CCZ1: variants seen among roughly 807,000 people sequenced by gnomAD.
CCZ1 encodes CCZ1 vacuolar protein trafficking and biogenesis associated.
In CCZ1, 19 loss-of-function variants were observed where a neutral mutation model predicts 57.8. The ratio of observed to expected loss-of-function variants is 0.33; its 90% CI spans 0.23 to 0.48. CCZ1 has a LOEUF of 0.48. Among genes scored for constraint, CCZ1 ranks in the 20% least tolerant of loss-of-function variants. The pLI is 0.99. For synonymous variants in CCZ1, 81 were observed against 167.0 expected (o/e 0.49, Z 3.97); for missense variants, 200 against 492.0 (o/e 0.41, Z 5.61).
chr7:5,901,615 T>C, intron 4 of CCZ1, 42 bp from the exon 5 acceptor site: 3 of 1,570,802 alleles, frequency 1.9e-6, no homozygotes, highest in Non-Finnish European at 2.6e-6. Flanking sequence ...GACATTGTTT[T>C]TCCCTTGAAC....
intron 10 of CCZ1, among the ~76,000 whole-genome samples, chr7:5,914,554 C>A: frequency 6.8e-6 from 1 of 147,718 alleles, no homozygotes; most frequent in South Asian, 2.2e-4. Flanking sequence ...CTTTGCCATG[C>A]CAAGCTGTCA....
rs1367880180 is a variant in CCZ1, at chr7:5,905,717, G to A, written c.698+448G>A. Reference sequence around the variant, plus strand: ...GAATCACTTGAACCCGGGAGGCGGAGGTTGCAGTGAGCCGAGATGGCACCA... The same window carrying A: ...GAATCACTTGAACCCGGGAGGCGGAAGTTGCAGTGAGCCGAGATGGCACCA... On this transcript the variant is annotated intron_variant, in intron 7 of 14. Transcript: ENST00000325974. Among the ~76,000 whole-genome samples, 42 of 128,644 alleles carry A rather than the reference G, an allele frequency of 3.3e-4. 2 individuals carry two copies. The East Asian group carries it at 0.012, about 36-fold the overall frequency. 84.4% of individuals were successfully genotyped at this position (128,644 alleles called of 152,430 possible). A position where few individuals can be genotyped will look rare whatever the true frequency, so the allele number is the denominator to read the frequency against.
intron 10 of CCZ1, among the ~76,000 whole-genome samples, chr7:5,916,513 T>TTTTTTTGG (rs1308308889): frequency 3.1e-5 from 4 of 128,932 alleles, no homozygotes; most frequent in Non-Finnish European, 5.1e-5. Context: ...TTGTTTTTTT[T>TTTTTTTGG]TTTTTTGGTT....
chr7:5,912,377 C>CTTTTTTTTTTTTTTTTTTT, intron 9 of CCZ1, among the ~76,000 whole-genome samples: 1 of 54,704 alleles, frequency 1.8e-5, no homozygotes, highest in Non-Finnish European at 3.2e-5. Flanking sequence ...TCAGCATACC[C>CTTTTTTTTTTTTTTTTTTT]TTTTTTTTTT....
chr7:5,905,119 C>T lies in CCZ1; in HGVS notation c.548C>T (p.Ser183Leu), dbSNP rs199639622. 10 of 1,596,434 alleles carry T rather than the reference C, an allele frequency of 6.3e-6. No individual in the cohort carries two copies. Among genetic ancestry groups the T allele is most frequent in the South Asian group, 1.1e-5 (1 of 87,464 alleles). ...HRYLQTLHLQ[S>L]CDLLDIFGGI... ...TATTTGCAAACGCTACATTTGCAGT[C>T]ATGTGACCTACTTGACATTTTTGGT... Residue 183 changes from serine (S) to leucine (L), a missense_variant, in exon 7 of 15, where the codon TCA becomes TTA. Physicochemically the swap from Ser to Leu is moderately radical, Grantham distance 145 (BLOSUM62 -2). Around this residue, in one of 5 missense-constraint regions of CCZ1, gnomAD observed 128 missense variants for 178.4 expected, o/e 0.72. Coordinates refer to ENST00000325974, the MANE Select transcript of CCZ1 (RefSeq NM_015622.6).
At chr7:5,903,157 A>AT (rs1476729681) in intron 6 of CCZ1, among the ~76,000 whole-genome samples, 1 of 149,130 alleles carries the variant, frequency 6.7e-6, no homozygotes, top group East Asian at 2.2e-4. Context: ...AACCGTCTTG[A>AT]TGTAGGTAAG....
At chr7:5,901,428 T>C in intron 4 of CCZ1, 2 of 604,098 alleles carry the variant, frequency 3.3e-6, no homozygotes, top group Non-Finnish European at 4.8e-6. Context: ...AATGTTGCAG[T>C]GAGCCAAGAT....
chr7:5,908,559 TA>T, intron 7 of CCZ1, among the ~76,000 whole-genome samples: 2 of 147,826 alleles, frequency 1.4e-5, no homozygotes, highest in South Asian at 4.5e-4. Context: ...TTATATTTTT[TA>T]GTAGAGACGG....
At chr7:5,912,614 G>A (rs1779062462) in intron 9 of CCZ1, among the ~76,000 whole-genome samples, 1 of 149,700 alleles carries the variant, frequency 6.7e-6, no homozygotes, top group Non-Finnish European at 1.5e-5. Flanking sequence ...TGGCCAGGCT[G>A]CCCTTGAACT....
At chr7:5,912,024 G>C in intron 9 of CCZ1, 102 bp downstream of exon 9, 2 of 1,576,512 alleles carry the variant, frequency 1.3e-6, no homozygotes, top group Non-Finnish European at 1.7e-6. Context: ...CAAGATCTCC[G>C]CTCACTGCAA....
chr7:5,914,025 C>T (rs1447603532), intron 10 of CCZ1, among the ~76,000 whole-genome samples: 6 of 143,922 alleles, frequency 4.2e-5, no homozygotes, highest in Admixed American at 2.7e-4. Context: ...GGTCAGCCTT[C>T]TGGTTCCCTC....
intron 13 of CCZ1, 56 bp downstream of exon 13, chr7:5,923,601 CAG>C (rs1198777885): frequency 1.6e-5 from 5 of 318,488 alleles, no homozygotes; most frequent in Non-Finnish European, 3.1e-5. Flanking sequence ...AGAAAAGACA[CAG>C]AAAATCCCTT....
intron 6 of CCZ1, among the ~76,000 whole-genome samples, chr7:5,904,597 C>G (rs1489793510): frequency 1.4e-5 from 2 of 146,328 alleles, no homozygotes; most frequent in African/African-American, 5.2e-5. Context: ...CTTTGGGAGG[C>G]CGAGGCAGGC....
intron 1 of CCZ1, 52 bp downstream of exon 1, chr7:5,898,971 G>C (rs1273535382): frequency 5.5e-6 from 2 of 361,406 alleles, no homozygotes; most frequent in Non-Finnish European, 9.1e-6. Context: ...TCCCCGGGAA[G>C]GTGGCCCTGT....
Position 5,905,031 on chromosome 7 carries a change from A to T in CCZ1, c.523-63A>T, listed in dbSNP as rs189365311. 0.01 allele frequency: 13,530 copies of T among 1,338,340 alleles called. 358 individuals carry two copies. Among genetic ancestry groups the T allele is most frequent in the Non-Finnish European group, 0.013 (12,443 of 968,474 alleles). 82.9% of individuals were successfully genotyped at this position (1,338,340 alleles called of 1,614,324 possible). ...GTCTGACATAAGATTATTTTCAGTTATCAAGGAGCATTATATTCAGTGTAC... is the reference window on the plus strand; with the variant it reads ...GTCTGACATAAGATTATTTTCAGTTTTCAAGGAGCATTATATTCAGTGTAC... On this transcript the variant is annotated intron_variant, in intron 6 of 14. Transcript: ENST00000325974.
At chr7:5,903,766 G>T (rs1781738498) in intron 6 of CCZ1, among the ~76,000 whole-genome samples, 1 of 147,470 alleles carries the variant, frequency 6.8e-6, no homozygotes, top group Admixed American at 6.7e-5. Context: ...GGCCGATGCG[G>T]GCAGATCTTG....
At chr7:5,905,713 C>T (rs1451183040) in intron 7 of CCZ1, among the ~76,000 whole-genome samples, 5 of 110,912 alleles carry the variant, frequency 4.5e-5, no homozygotes, top group African/African-American at 1.4e-4. Flanking sequence ...ACCCGGGAGG[C>T]GGAGGTTGCA....
intron 7 of CCZ1, among the ~76,000 whole-genome samples, chr7:5,907,277 A>C (rs1232324464): frequency 9.4e-5 from 14 of 149,440 alleles, no homozygotes; most frequent in Non-Finnish European, 1.8e-4. Flanking sequence ...TCTGCTGTGA[A>C]ATGTAGGAGA....
chr7:5,911,580 C>T (rs1329959452), intron 8 of CCZ1, among the ~76,000 whole-genome samples: 1 of 149,070 alleles, frequency 6.7e-6, no homozygotes, highest in African/African-American at 2.5e-5. Flanking sequence ...TAGGCATGAG[C>T]CACCTCACCT....
Sources: gnomAD v4.1 joint callset for allele counts (sites outside exome capture counted in the v4.1 genomes callset) on GRCh38, gnomAD v4.1.1 for gene constraint, gnomAD v4.1.1 regional missense constraint, MANE v1.5 for transcripts, NCBI Gene and HGNC (gene_info 2026-07-23, HGNC 2026-07-21) for gene names.